The following ZXDC variants were observed in gnomAD, a reference collection of about 807,000 sequenced individuals.
ZXDC encodes zinc finger protein ZXDC.
Under a neutral mutation model 63.6 loss-of-function variants are expected in ZXDC, and 58 were observed. The observed-to-expected ratio is 0.91, with a 90% CI of 0.74 to 1.13. ZXDC has a LOEUF of 1.13. ZXDC is among the 50% of genes most tolerant of loss of function. The pLI, the probability that ZXDC is intolerant of heterozygous loss-of-function variation, is 0.00. For synonymous variants in ZXDC, 561 were observed against 496.1 expected (o/e 1.13, Z -1.74); for missense variants, 1,133 against 1,148.9 (o/e 0.99, Z 0.20).
chr3:126,449,088 A>T (rs996287043), intron 7 of ZXDC, among the ~76,000 whole-genome samples: 4 of 152,178 alleles, frequency 2.6e-5, no homozygotes, highest in Non-Finnish European at 5.9e-5. Context: ...GCAGGACCCC[A>T]TCCTAGAGGT....
At position 126,437,626 on chromosome 3, in the gene ZXDC, T is replaced by C. The variant is rs1933506530; in HGVS notation, c.*749A>G. The C allele has an allele frequency of 6.6e-6, 1 of 152,296 alleles. No homozygotes were observed. Among genetic ancestry groups the C allele is most frequent in the African/African-American group, 2.4e-5 (1 of 41,444 alleles). The allele number at this position is 152,296 out of a possible 1,614,324, so 9.4% of individuals were successfully genotyped here. A position where few individuals can be genotyped will look rare whatever the true frequency, so the allele number is the denominator to read the frequency against. ...TCACAGTCCTACACATAATTTATGG[T>C]ATTCAGAACATCACTTTATAAACTG... is the stretch of plus-strand genomic sequence containing the variant. On this transcript the variant is annotated 3_prime_UTR_variant, in exon 10 of 10. Transcript: ENST00000389709.
chr3:126,454,433 T>C, intron 7 of ZXDC: 1 of 985,456 alleles, frequency 1.0e-6, no homozygotes, highest in East Asian at 1.1e-4. Context: ...GCTTTTTCCT[T>C]GAATTCTGCA....
chr3:126,462,417 A>G (rs578075475), intron 5 of ZXDC, among the ~76,000 whole-genome samples, 197 bp from the exon 6 acceptor site: 3 of 152,274 alleles, frequency 2.0e-5, no homozygotes, highest in South Asian at 4.1e-4. Context: ...AGGAAGGGAC[A>G]GGAAGGGACA....
chr3:126,441,735 A>G (rs1265018503), intron 8 of ZXDC, 30 bp downstream of exon 8: 2 of 1,553,642 alleles, frequency 1.3e-6, no homozygotes, highest in Non-Finnish European at 1.7e-6. Context: ...CCCCGCCTAC[A>G]GCTGGCCTGT....
intron 8 of ZXDC, chr3:126,440,981 C>G (rs1933653715): frequency 2.0e-6 from 2 of 985,670 alleles, no homozygotes; most frequent in South Asian, 9.4e-5. Context: ...AACCGCATCC[C>G]CTGCCACAGG....
intron 4 of ZXDC, among the ~76,000 whole-genome samples, chr3:126,470,392 G>A (rs879829130): frequency 5.3e-5 from 8 of 152,174 alleles, no homozygotes; most frequent in Non-Finnish European, 1.0e-4. Context: ...ACTTAAACCT[G>A]GGAGGCAGAG....
chr3:126,448,586 C>G (rs114511569), intron 7 of ZXDC, among the ~76,000 whole-genome samples: 1 of 152,160 alleles, frequency 6.6e-6, no homozygotes, highest in Non-Finnish European at 1.5e-5. Context: ...GGGCATGGCA[C>G]GGCCATGCAC....
chr3:126,462,612 C>T (rs1934602133), intron 5 of ZXDC, among the ~76,000 whole-genome samples: 2 of 152,194 alleles, frequency 1.3e-5, no homozygotes, highest in Non-Finnish European at 2.9e-5. Context: ...ACCCTCTCCC[C>T]TCTAGGTGCC....
At position 126,472,195 on chromosome 3, in the gene ZXDC, C is replaced by A. The variant is rs748716696; in HGVS notation, c.1018G>T (p.Asp340Tyr). 10 of 1,613,188 alleles carry A rather than the reference C, an allele frequency of 6.2e-6. No individual in the cohort carries two copies. Among genetic ancestry groups the A allele is most frequent in the Non-Finnish European group, 8.5e-6 (10 of 1,179,224 alleles). ...TGAATTTTCAGCCGACAGGCTTTAT[C>A]ATACTGCTTGCTGCACCCAGGAAAG... ...CSFPGCSKQY[D>Y]KACRLKIHLR... Residue 340 changes from aspartate to tyrosine, a missense_variant, in exon 2 of 10, where the codon GAT (aspartate) becomes TAT (tyrosine). Transcript: ENST00000389709.
rs2107664762 is a variant in ZXDC at position 126,475,552 on chromosome 3, G to T, written c.314C>A (p.Ala105Glu). 7.2e-7 allele frequency: 1 copy of T among 1,386,084 alleles called. No homozygotes were observed. Among genetic ancestry groups the T allele is most frequent in the East Asian group, 3.0e-5 (1 of 33,486 alleles). The allele number at this position is 1,386,084 out of a possible 1,614,324, so 85.9% of individuals were successfully genotyped here. A position where few individuals can be genotyped will look rare whatever the true frequency, so the allele number is the denominator to read the frequency against. The change falls in exon 1 of 10, where the codon GCG becomes GAG. Residue 105 changes from alanine to glutamate, a missense_variant. By Grantham distance (107) the Ala-to-Glu change is moderately radical (BLOSUM62 -1). Coordinates refer to ENST00000389709, the MANE Select transcript of ZXDC (RefSeq NM_025112.5). ...EAEPGSRVNL[A>E]SRPEQGPSGP... ...GCTGGGGCCCTGCTCGGGGCGGCTC[G>T]CCAGGTTGACACGGGAGCCAGGCTC...
intron 8 of ZXDC, 55 bp from the exon 9 acceptor site, chr3:126,439,782 T>C: frequency 6.6e-7 from 1 of 1,515,472 alleles, no homozygotes; most frequent in South Asian, 1.3e-5. Flanking sequence ...GCAGCAAAGG[T>C]CCTCGTCTCA....
intron 8 of ZXDC, chr3:126,440,928 G>C (rs936716204): frequency 1.1e-5 from 11 of 985,546 alleles, no homozygotes; most frequent in Middle Eastern, 5.1e-4. Context: ...TCCCAACTCA[G>C]AGCCAGCGTC....
rs1313590438 is a variant in ZXDC at position 126,453,150 on chromosome 3, A to G, written c.2212+6503T>C. 5.1e-6 allele frequency: 5 copies of G among 985,288 alleles called. No individual in the cohort carries two copies. The African/African-American group carries it at 7.0e-5, about 14-fold the overall frequency. The allele number at this position is 985,288 out of a possible 1,614,324, so 61.0% of individuals were successfully genotyped here. A position where few individuals can be genotyped will look rare whatever the true frequency, so the allele number is the denominator to read the frequency against. On this transcript the variant is annotated intron_variant, in intron 7 of 9. Coordinates refer to ENST00000389709, the MANE Select transcript of ZXDC (RefSeq NM_025112.5). ...GGAACTATTCATATTCTTATTTCTG[A>G]ATGATTACTTGTTTTCCTAGAAAAC...
At chr3:126,453,821 A>G in intron 7 of ZXDC, 1 of 979,668 alleles carries the variant, frequency 1.0e-6, no homozygotes, top group South Asian at 4.7e-5. Flanking sequence ...CAGCCTCCTG[A>G]GTAGCTGAGC....
At chr3:126,453,214 C>T in intron 7 of ZXDC, 1 of 985,096 alleles carries the variant, frequency 1.0e-6, no homozygotes, top group Non-Finnish European at 1.2e-6. Context: ...TATTATCATA[C>T]AGTTAACATG....
intron 8 of ZXDC, chr3:126,440,406 A>T (rs1933631741): frequency 1.0e-6 from 1 of 985,346 alleles, no homozygotes; most frequent in Non-Finnish European, 1.2e-6. Flanking sequence ...GACAAAACTG[A>T]GGCCCGGAGT....
intron 5 of ZXDC, among the ~76,000 whole-genome samples, chr3:126,464,863 CAATTTATTT>C (rs988762130): frequency 2.6e-5 from 4 of 152,286 alleles, no homozygotes; most frequent in African/African-American, 9.6e-5. Context: ...GCCAGAAGGG[CAATTTATTT>C]AAATATAAAG....
chr3:126,455,006 C>T, intron 7 of ZXDC: 3 of 985,414 alleles, frequency 3.0e-6, no homozygotes, highest in Non-Finnish European at 3.6e-6. Flanking sequence ...TGGCTCCTAA[C>T]CACATGCACA....
chr3:126,441,051 C>T lies in ZXDC; in HGVS notation c.2394+714G>A, dbSNP rs73859278. The stretch of plus-strand genomic sequence containing the variant: ...CACCTGGGCCAAACCCAGACAGCCC[C>T]GGCTTGTATATCTCTTCTCTCCCCA... On this transcript the variant is annotated intron_variant, in intron 8 of 9. Coordinates refer to ENST00000389709, the MANE Select transcript of ZXDC (RefSeq NM_025112.5). The T allele has an allele frequency of 4.4e-3, 4,343 of 985,564 alleles. 139 individuals are homozygous for T. In the African/African-American group the frequency reaches 0.071, roughly 16 times the overall value. The allele number at this position is 985,564 out of a possible 1,614,324, so 61.1% of individuals were successfully genotyped here.
Sources: gnomAD v4.1 joint callset for allele counts (sites outside exome capture counted in the v4.1 genomes callset) on GRCh38, gnomAD v4.1.1 for gene constraint, MANE v1.5 for transcripts, NCBI Gene and HGNC (gene_info 2026-07-23, HGNC 2026-07-21) for gene names.